The following MACF1 variants were observed in gnomAD, a reference collection of about 807,000 sequenced individuals.
MACF1 encodes microtubule-actin cross-linking factor 1.
A neutral mutation model predicts 854.8 loss-of-function variants in MACF1; 193 were observed. That is an observed-to-expected ratio of 0.23 (90% CI 0.20 to 0.25). The LOEUF (loss-of-function observed/expected upper bound fraction) is 0.25, where lower values mean the gene tolerates loss of function less well. Among genes scored for constraint, MACF1 ranks in the 10% least tolerant of loss-of-function variants. MACF1 has a pLI of 1.00. For missense variants in MACF1, 7,722 were observed against 8,929.1 expected, an observed-to-expected ratio of 0.86 and a Z score of 5.45; for synonymous variants, 3,185 against 3,226.7, an observed-to-expected ratio of 0.99 and a Z score of 0.44.
At chr1:39,457,042 G>T (rs532535305) in intron 89 of MACF1, 27 of 152,204 alleles carry the variant, frequency 1.8e-4, no homozygotes, top group African/African-American at 6.5e-4. Flanking sequence ...GTTCCCTGAC[G>T]TCTCATTCTT....
At chr1:39,109,623 TACC>T (rs1159532435) in intron 2 of MACF1, among the ~76,000 whole-genome samples, 1 of 151,964 alleles carries the variant, frequency 6.6e-6, no homozygotes, top group Non-Finnish European at 1.5e-5. Flanking sequence ...TTCTATCTCC[TACC>T]AGAAGGAACC....
chr1:39,257,303 GAC>G (rs1286745854), intron 5 of MACF1, among the ~76,000 whole-genome samples: 1 of 85,102 alleles, frequency 1.2e-5, no homozygotes, highest in Non-Finnish European at 2.6e-5. Context: ...GAAATAAAAA[GAC>G]AGTTTCTTTT....
intron 2 of MACF1, among the ~76,000 whole-genome samples, chr1:39,144,612 A>G (rs1327289147): frequency 6.6e-6 from 1 of 151,160 alleles, no homozygotes; most frequent in Non-Finnish European, 1.5e-5. Context: ...ACTAGTTTAT[A>G]TATCAGAGCA....
chr1:39,120,859 T>A (rs1314829293), intron 2 of MACF1: 21 of 152,258 alleles, frequency 1.4e-4, no homozygotes, highest in Admixed American at 1.3e-3. Context: ...TAAGTTATTT[T>A]AAAATGTATA....
At chr1:39,311,909 A>G (rs868289139) in intron 26 of MACF1, among the ~76,000 whole-genome samples, 2 of 152,244 alleles carry the variant, frequency 1.3e-5, no homozygotes, top group Non-Finnish European at 1.5e-5. Context: ...TGATTTTTCT[A>G]ACTTTCTATT....
rs1569675694 is a variant in MACF1, at chr1:39,357,370, A to G, written c.11425-5A>G. The G allele has an allele frequency of 6.2e-7, 1 of 1,603,138 alleles. No homozygotes were observed. Among genetic ancestry groups the G allele is most frequent in the Non-Finnish European group, 8.5e-7 (1 of 1,175,222 alleles). On this transcript the variant is annotated splice_polypyrimidine_tract_variant and splice_region_variant and intron_variant, in intron 44 of 100. Transcript: ENST00000564288. ...CCTTTGTTTGGGGGGATTTTTTTTTACCAGGCCCGTCACCAAGAATTGCTG... is the reference window on the plus strand; with the variant it reads ...CCTTTGTTTGGGGGGATTTTTTTTTGCCAGGCCCGTCACCAAGAATTGCTG...
At chr1:39,139,540 T>G (rs1039609595) in intron 2 of MACF1, among the ~76,000 whole-genome samples, 2 of 152,168 alleles carry the variant, frequency 1.3e-5, no homozygotes, top group Non-Finnish European at 2.9e-5. Context: ...TTCTTTATAT[T>G]CCAGCTAAAA....
chr1:39,249,989 C>T lies in MACF1; in HGVS notation c.172-25C>T, dbSNP rs148500812. ...TAATAATTCAATATCAAATAAAAATCTGTCTGTTTCACTCTCATTCACAGG... is the reference window on the plus strand; with the variant it reads ...TAATAATTCAATATCAAATAAAAATTTGTCTGTTTCACTCTCATTCACAGG... On this transcript the variant is annotated intron_variant, in intron 2 of 100. Transcript: ENST00000564288. 68 of 1,369,668 alleles carry T rather than the reference C, an allele frequency of 5.0e-5. No homozygotes were observed. The African/African-American group carries it at 8.2e-4, about 16-fold the overall frequency. 84.8% of individuals were successfully genotyped at this position (1,369,668 alleles called of 1,614,324 possible).
At chr1:39,309,146 A>G (rs1015707721) in intron 23 of MACF1, among the ~76,000 whole-genome samples, 15 of 152,098 alleles carry the variant, frequency 9.9e-5, no homozygotes, top group Non-Finnish European at 1.9e-4. Context: ...CTGGCTTGTA[A>G]TCATCATATT....
chr1:39,318,712 A>C, intron 30 of MACF1, 97 bp downstream of exon 30: 1 of 1,241,174 alleles, frequency 8.1e-7, no homozygotes, highest in East Asian at 2.6e-5. Context: ...CTTCCTCCAA[A>C]TGGAAGATAT....
chr1:39,373,198 CA>C (rs1326125728), intron 52 of MACF1: 1 of 152,814 alleles, frequency 6.5e-6, no homozygotes, highest in Admixed American at 6.6e-5. Flanking sequence ...CCCAGCTACT[CA>C]GGAGGCTGAG....
intron 1 of MACF1, among the ~76,000 whole-genome samples, chr1:39,208,300 G>A (rs1388427980): frequency 6.6e-6 from 1 of 151,872 alleles, no homozygotes; most frequent in Non-Finnish European, 1.5e-5. Flanking sequence ...GTCCTTTAGG[G>A]TAAGTAGTTA....
chr1:39,101,979 A>G (rs1642091553), intron 2 of MACF1, among the ~76,000 whole-genome samples: 1 of 151,588 alleles, frequency 6.6e-6, no homozygotes, highest in Non-Finnish European at 1.5e-5. Flanking sequence ...GATCGAGACC[A>G]TCCTGGCTAA....
chr1:39,424,266 A>C, intron 61 of MACF1, 72 bp downstream of exon 61: 3 of 1,321,010 alleles, frequency 2.3e-6, no homozygotes, highest in Non-Finnish European at 3.1e-6. Flanking sequence ...TATCACTATA[A>C]GTTCTTGGAT....
chr1:39,117,402 C>G (rs1172867919), intron 2 of MACF1, among the ~76,000 whole-genome samples: 1 of 152,136 alleles, frequency 6.6e-6, no homozygotes, highest in Non-Finnish European at 1.5e-5. Context: ...AAGCTGGACT[C>G]TTATCAGATA....
At chr1:39,178,699 A>C (rs1257468145) in intron 2 of MACF1, among the ~76,000 whole-genome samples, 1 of 152,146 alleles carries the variant, frequency 6.6e-6, no homozygotes, top group Non-Finnish European at 1.5e-5. Context: ...CAGCAGTCCT[A>C]AAGTCCTGAC....
intron 6 of MACF1, among the ~76,000 whole-genome samples, chr1:39,265,660 C>T (rs902017597): frequency 1.3e-5 from 2 of 152,086 alleles, no homozygotes; most frequent in African/African-American, 4.8e-5. Flanking sequence ...AAGTGAAAAA[C>T]GGAATGGTTG....
intron 45 of MACF1, 24 bp downstream of exon 45, chr1:39,357,917 C>T: frequency 6.3e-7 from 1 of 1,580,710 alleles, no homozygotes; most frequent in East Asian, 2.2e-5. Flanking sequence ...TCCTGGCATC[C>T]TTGGTGAAAC....
chr1:39,173,280 C>T (rs1643977126), intron 2 of MACF1, among the ~76,000 whole-genome samples: 1 of 145,058 alleles, frequency 6.9e-6, no homozygotes, highest in South Asian at 2.1e-4. Flanking sequence ...GCGGAGGTTG[C>T]GGTGACCAGA....
Sources: allele counts gnomAD v4.1 joint callset (sites outside exome capture counted in the v4.1 genomes callset), GRCh38; gene constraint gnomAD v4.1.1; transcripts MANE v1.5; gene names NCBI Gene and HGNC (gene_info 2026-07-23, HGNC 2026-07-21).